Variants in CD109 observed in about 807,000 individuals in gnomAD.
CD109 encodes the protein CD109 molecule.
Under a neutral mutation model 165.8 loss-of-function variants are expected in CD109, and 149 were observed. That is an observed-to-expected ratio of 0.90 (90% CI 0.79 to 1.03). CD109 has a LOEUF of 1.03. Among genes scored for constraint, CD109 ranks in the 50% least tolerant of loss-of-function variants. The probability of loss-of-function intolerance (pLI) is 0.00; values close to 1 mark genes in which losing one functional copy is unlikely to be tolerated. For missense variants in CD109, 1,712 were observed against 1,677.8 expected (o/e 1.02, Z -0.36); for synonymous variants, 585 against 592.1 (o/e 0.99, Z 0.18).
intron 23 of CD109, among the ~76,000 whole-genome samples, chr6:73,795,426 G>T (rs1398030902): frequency 6.6e-6 from 1 of 152,026 alleles, no homozygotes; most frequent in East Asian, 1.9e-4. Flanking sequence ...CCTACAAAAT[G>T]AATGGTCCAA....
Position 73,782,709 on chromosome 6 carries a change from C to G in CD109, c.2059C>G (p.Arg687Gly). 1.2e-6 allele frequency: 2 copies of G among 1,613,758 alleles called. No individual in the cohort carries two copies. The highest frequency in any genetic ancestry group is 1.7e-6 in the Non-Finnish European group (2 of 1,179,794). Reference sequence around the variant, plus strand: ...TTCTTTGGGTAGCAGTCCACATGTCCGAAAGCATTTTCCAGAGACTTGGAT... The same window carrying G: ...TTCTTTGGGTAGCAGTCCACATGTCGGAAAGCATTTTCCAGAGACTTGGAT... ...DFSLGSSPHVRKHFPETWIWL... is the reference protein window; with the variant it reads ...DFSLGSSPHVGKHFPETWIWL... Residue 687 changes from arginine (R) to glycine (G), a missense_variant, in exon 18 of 33, where the codon CGA becomes GGA. Coordinates refer to ENST00000287097, the MANE Select transcript of CD109 (RefSeq NM_133493.5).
At chr6:73,745,940 G>A (rs143026520) in intron 5 of CD109, among the ~76,000 whole-genome samples, 79 of 152,298 alleles carry the variant, frequency 5.2e-4, no homozygotes, top group African/African-American at 1.8e-3. Context: ...ACATTGGCCA[G>A]GCTGGTCTTG....
At chr6:73,818,650 C>A in intron 31 of CD109, 115 bp downstream of exon 31, 1 of 944,928 alleles carries the variant, frequency 1.1e-6, no homozygotes, top group Non-Finnish European at 1.6e-6. Context: ...CTTTTTGTGT[C>A]CCTGAATGAG....
intron 4 of CD109, among the ~76,000 whole-genome samples, chr6:73,732,684 C>T (rs1441887899): frequency 2.0e-5 from 3 of 152,030 alleles, no homozygotes; most frequent in African/African-American, 4.8e-5. Context: ...GCATAAATTG[C>T]CTGTTCTAGA....
chr6:73,693,383 G>A (rs78575603), upstream of CD109, among the ~76,000 whole-genome samples: 778 of 152,194 alleles, frequency 5.1e-3, 5 homozygotes, highest in Non-Finnish European at 8.2e-3. Context: ...CTCACCCCCC[G>A]ACCCCCAGGG....
At position 73,811,001 on chromosome 6, in the gene CD109, G is replaced by A; in HGVS notation, c.3556G>A (p.Val1186Met). Residue 1186 changes from valine to methionine, a missense_variant, in exon 28 of 33, where the codon GTG becomes ATG. Physicochemically the swap from Val to Met is conservative, Grantham distance 21. Coordinates refer to ENST00000287097, the MANE Select transcript of CD109 (RefSeq NM_133493.5). ...TTTCTTCCCTCAACAGGATACCACT[G>A]TGGCTTTAAAGGCTCTGTCTGAATT... ...GGFASTQDTTVALKALSEFAA... is the reference protein window; with the variant it reads ...GGFASTQDTTMALKALSEFAA... 6.2e-7 allele frequency: 1 copy of A among 1,612,788 alleles called. No homozygotes were observed. Among genetic ancestry groups the A allele is most frequent in the South Asian group, 1.1e-5 (1 of 90,914 alleles).
chr6:73,806,238 C>T (rs1475696140), intron 24 of CD109, among the ~76,000 whole-genome samples: 1 of 152,110 alleles, frequency 6.6e-6, no homozygotes, highest in Non-Finnish European at 1.5e-5. Context: ...TGGAAACCAT[C>T]ATTCTCAGCA....
At chr6:73,788,794 C>T (rs930075094) in intron 22 of CD109, among the ~76,000 whole-genome samples, 182 bp downstream of exon 22, 3 of 152,214 alleles carry the variant, frequency 2.0e-5, no homozygotes, top group Non-Finnish European at 2.9e-5. Context: ...TAAAACTGTT[C>T]TCAATCTTCA....
At chr6:73,743,892 G>A (rs1562042266) in intron 5 of CD109, among the ~76,000 whole-genome samples, 3 of 152,248 alleles carry the variant, frequency 2.0e-5, no homozygotes, top group Non-Finnish European at 4.4e-5. Flanking sequence ...GTGAGAAAGG[G>A]AGGGAGGAGA....
chr6:73,781,147 C>T (rs543576820), intron 16 of CD109, 112 bp from the exon 17 acceptor site: 144 of 761,884 alleles, frequency 1.9e-4, no homozygotes, highest in Admixed American at 3.2e-4. Context: ...ATGTGTATAC[C>T]TAAGCTCTCA....
At chr6:73,744,448 A>G (rs992090018) in intron 5 of CD109, among the ~76,000 whole-genome samples, 1 of 152,220 alleles carries the variant, frequency 6.6e-6, no homozygotes, top group Non-Finnish European at 1.5e-5. Flanking sequence ...GAGAATATAT[A>G]TGGTTGCTGT....
At chr6:73,696,501 C>T (rs562038956) in intron 1 of CD109, among the ~76,000 whole-genome samples, 1 of 152,372 alleles carries the variant, frequency 6.6e-6, no homozygotes, top group Non-Finnish European at 1.5e-5. Flanking sequence ...TTTCTCCACT[C>T]ATGAAGTTGT....
intron 15 of CD109, among the ~76,000 whole-genome samples, chr6:73,776,326 C>T (rs993485765): frequency 6.6e-6 from 1 of 151,612 alleles, no homozygotes; most frequent in Non-Finnish European, 1.5e-5. Context: ...GATCTCGGCT[C>T]ACTGCAACCT....
At chr6:73,683,018 C>T in the CD109 span, among the ~76,000 whole-genome samples, 1 of 152,206 alleles carries the variant, frequency 6.6e-6, no homozygotes, top group African/African-American at 2.4e-5. Context: ...ATGGGAGGGG[C>T]TGCTGCAAAG....
upstream of CD109, among the ~76,000 whole-genome samples, chr6:73,691,876 G>C (rs1770697635): frequency 6.6e-6 from 1 of 152,124 alleles, no homozygotes; most frequent in Non-Finnish European, 1.5e-5. Flanking sequence ...AGTTTAATTG[G>C]CTCACAGTTC....
chr6:73,802,068 A>T (rs1375997333), intron 23 of CD109, among the ~76,000 whole-genome samples: 2 of 152,078 alleles, frequency 1.3e-5, no homozygotes, highest in African/African-American at 2.4e-5. Context: ...GTTTTCTCAC[A>T]CTGGACTTTG....
chr6:73,690,855 GAGAA>G (rs890910929), upstream of CD109, among the ~76,000 whole-genome samples: 4 of 152,178 alleles, frequency 2.6e-5, no homozygotes, highest in African/African-American at 7.2e-5. Flanking sequence ...AAATTATGTG[GAGAA>G]AGAAAGAGAG....
intron 15 of CD109, among the ~76,000 whole-genome samples, chr6:73,776,331 C>T (rs559424153): frequency 6.6e-6 from 1 of 152,204 alleles, no homozygotes; most frequent in African/African-American, 2.4e-5. Context: ...CGGCTCACTG[C>T]AACCTCTGCC....
chr6:73,777,750 C>T (rs1774308996), intron 15 of CD109, among the ~76,000 whole-genome samples: 1 of 152,104 alleles, frequency 6.6e-6, no homozygotes, highest in African/African-American at 2.4e-5. Flanking sequence ...TCTGGGTTCT[C>T]TATTCTGTTC....
Sources: gnomAD v4.1 joint callset for allele counts (sites outside exome capture counted in the v4.1 genomes callset) on GRCh38, gnomAD v4.1.1 for gene constraint, MANE v1.5 for transcripts, NCBI Gene and HGNC (gene_info 2026-07-23, HGNC 2026-07-21) for gene names.